Variants in CACNA1C observed in about 807,000 individuals in gnomAD.
CACNA1C encodes calcium voltage-gated channel subunit alpha1 C.
Under a neutral mutation model 229.0 loss-of-function variants are expected in CACNA1C, and 30 were observed. The observed-to-expected ratio is 0.13, with a 90% confidence interval of 0.10 to 0.18. The LOEUF (loss-of-function observed/expected upper bound fraction) is 0.18, where lower values mean the gene tolerates loss of function less well. Ranked by LOEUF, CACNA1C falls within the 10% of genes least tolerant of loss-of-function variation. The pLI is 1.00. For missense variants in CACNA1C, 1,658 were observed against 2,845.0 expected, an observed-to-expected ratio of 0.58 and a Z score of 9.49; for synonymous variants, 1,114 against 1,132.5, an observed-to-expected ratio of 0.98 and a Z score of 0.33.
At chr12:2,062,450 G>C (rs566363138) in intron 1 of CACNA1C, among the ~76,000 whole-genome samples, 1 of 152,310 alleles carries the variant, frequency 6.6e-6, no homozygotes, top group Non-Finnish European at 1.5e-5. Flanking sequence ...TGCTCTTTCT[G>C]TTACTTCTCC....
chr12:2,486,213 C>G lies in CACNA1C; in HGVS notation c.867C>G (p.Leu289=), dbSNP rs1192447992. Residue 289 remains leucine (L), a synonymous_variant, in exon 6 of 47, where the codon CTC becomes CTG. Transcript: ENST00000399655. This position sits in a 1 kb window ranked among gnomAD's most constrained non-coding sequence, Gnocchi z 4.9. ...IIIYAIIGLE[L]FMGKMHKTCY... is the part of the protein sequence containing the mutation. ...TCTACGCCATCATCGGCTTGGAGCT[C>G]TTCATGGGGAAGATGCACAAGACCT... 1 of 1,613,738 alleles carries G rather than the reference C, an allele frequency of 6.2e-7. No homozygotes were observed. Among genetic ancestry groups the G allele is most frequent in the Non-Finnish European group, 8.5e-7 (1 of 1,179,798 alleles).
intron 3 of CACNA1C, among the ~76,000 whole-genome samples, chr12:2,190,753 A>G (rs1046669521): frequency 6.6e-6 from 1 of 152,122 alleles, no homozygotes; most frequent in African/African-American, 2.4e-5. Context: ...TTCACAGAGT[A>G]AAGGTTAGTT....
At chr12:2,672,705 A>G (rs988107036) in intron 38 of CACNA1C, among the ~76,000 whole-genome samples, 3 of 152,230 alleles carry the variant, frequency 2.0e-5, no homozygotes, top group South Asian at 2.1e-4. Context: ...CTCATCCAGG[A>G]TGACCTCACC....
intron 10 of CACNA1C, among the ~76,000 whole-genome samples, 199 bp from the exon 11 acceptor site, chr12:2,556,752 C>T (rs182729223): frequency 6.6e-6 from 1 of 152,332 alleles, no homozygotes; most frequent in Admixed American, 6.5e-5. Flanking sequence ...AGATGCTAGC[C>T]AGGCCAGACC....
At chr12:2,224,301 C>T (rs573881123) in intron 3 of CACNA1C, among the ~76,000 whole-genome samples, 4 of 152,230 alleles carry the variant, frequency 2.6e-5, no homozygotes, top group South Asian at 2.1e-4. Context: ...TCCTCTCCAC[C>T]GTCTCCGATA....
At chr12:2,009,022 C>G (rs1464277361) in intron 1 of CACNA1C, among the ~76,000 whole-genome samples, 1 of 152,122 alleles carries the variant, frequency 6.6e-6, no homozygotes, top group African/African-American at 2.4e-5. Flanking sequence ...TTCGAATAGG[C>G]AAATTCTTTT....
Position 2,633,370 on chromosome 12 carries a change from TGGA to T in CACNA1C, c.3829-925_3829-923del, listed in dbSNP as rs1265891855. ...TGGTGGGACGTGGACAGGGCCTCTG[TGGA>T]GAAGGGGTAGGGTGGGTGGATCTGT... On this transcript the variant is annotated intron_variant, in intron 29 of 46. Coordinates refer to ENST00000399655, the MANE Select transcript of CACNA1C (RefSeq NM_000719.7). This position sits in a 1 kb window ranked among gnomAD's most constrained non-coding sequence, Gnocchi z 5.8. Among the ~76,000 whole-genome samples the T allele has an allele frequency of 1.3e-5, 2 of 152,202 alleles. No homozygotes were observed. Among genetic ancestry groups the T allele is most frequent in the African/African-American group, 4.8e-5 (2 of 41,536 alleles).
chr12:2,441,246 C>T (rs1247975669), intron 3 of CACNA1C, among the ~76,000 whole-genome samples: 1 of 152,168 alleles, frequency 6.6e-6, no homozygotes, highest in Non-Finnish European at 1.5e-5. Flanking sequence ...CACCCTGGGT[C>T]TGTCACCTAG....
intron 3 of CACNA1C, among the ~76,000 whole-genome samples, chr12:2,279,340 T>G (rs2090174032): frequency 6.6e-6 from 1 of 152,224 alleles, no homozygotes; most frequent in Non-Finnish European, 1.5e-5. Flanking sequence ...TAATAAGGCT[T>G]AAAATCAGAT....
Position 2,285,698 on chromosome 12 carries a change from A to T in CACNA1C, c.478-163278A>T, listed in dbSNP as rs1472143416. On this transcript the variant is annotated intron_variant, in intron 3 of 46. Transcript: ENST00000399655. This position sits in a 1 kb window ranked among gnomAD's most constrained non-coding sequence, Gnocchi z 4.2. ...CACCGTTCCCTGGTCTCCAAACCCC[A>T]TGTTCTTATCTGACGGTATTTCTAC... Among the ~76,000 whole-genome samples, 2 of 152,054 alleles carry T rather than the reference A, an allele frequency of 1.3e-5. No homozygotes were observed. Among genetic ancestry groups the T allele is most frequent in the African/African-American group, 2.4e-5 (1 of 41,414 alleles).
chr12:2,081,586 A>G (rs1219851324), intron 1 of CACNA1C, among the ~76,000 whole-genome samples: 3 of 150,386 alleles, frequency 2.0e-5, no homozygotes, highest in Non-Finnish European at 3.0e-5. Flanking sequence ...AAAAAAAAAG[A>G]CATTTTTCCT....
intron 9 of CACNA1C, among the ~76,000 whole-genome samples, chr12:2,530,577 T>C (rs985053547): frequency 3.3e-4 from 50 of 152,306 alleles, no homozygotes; most frequent in Middle Eastern, 3.4e-3. Flanking sequence ...CTTTTCTGAA[T>C]GGCAGAGAGT....
chr12:2,002,454 G>A (rs1454700750), intron 1 of CACNA1C, among the ~76,000 whole-genome samples: 1 of 152,162 alleles, frequency 6.6e-6, no homozygotes, highest in Non-Finnish European at 1.5e-5. Context: ...CTGTCTGAAG[G>A]CAACATATCC....
In CACNA1C at chr12:2,584,372, C is replaced by G. The variant is rs374811822; in HGVS notation, c.2225-131C>G. On this transcript the variant is annotated intron_variant, in intron 15 of 46. Transcript: ENST00000399655. ...GAGGAACACTGTTGGGGTCTGACTCCCTCAAATTGCTTCCCCCTCAAGCTC... is the reference window on the plus strand; with the variant it reads ...GAGGAACACTGTTGGGGTCTGACTCGCTCAAATTGCTTCCCCCTCAAGCTC... 3.3e-5 allele frequency: 21 copies of G among 644,020 alleles called. 1 individual carries two copies. The highest frequency in any genetic ancestry group is 2.0e-4 in the African/African-American group (11 of 56,308). 39.9% of individuals were successfully genotyped at this position (644,020 alleles called of 1,614,324 possible).
intron 3 of CACNA1C, among the ~76,000 whole-genome samples, chr12:2,377,704 C>T (rs766752568): frequency 2.6e-5 from 4 of 152,158 alleles, no homozygotes; most frequent in Non-Finnish European, 2.9e-5. Context: ...GTATTATCCC[C>T]GTTTCACAGC....
chr12:2,476,090 G>A (rs2099626374), intron 5 of CACNA1C, among the ~76,000 whole-genome samples: 1 of 152,194 alleles, frequency 6.6e-6, no homozygotes, highest in South Asian at 2.1e-4. Flanking sequence ...TCCTTACTCT[G>A]CCTGGAGCAC....
Position 2,115,285 on chromosome 12 carries a change from G to C in CACNA1C, c.111G>C (p.Gly37=). Residue 37 remains glycine, a synonymous_variant, in exon 2 of 47, where the codon GGG becomes GGC. Transcript: ENST00000399655. ...ACATGAATGCCAATGCGGCAGCGGG[G>C]CTGGCCCCTGAGCACATCCCCACCC... ...HANMNANAAA[G]LAPEHIPTPG... is the part of the protein sequence containing the mutation. 1 of 1,591,608 alleles carries C rather than the reference G, an allele frequency of 6.3e-7. No individual in the cohort carries two copies. The highest frequency in any genetic ancestry group is 1.3e-5 in the African/African-American group (1 of 74,504).
intron 9 of CACNA1C, among the ~76,000 whole-genome samples, chr12:2,545,072 G>A (rs1214552614): frequency 6.6e-6 from 1 of 152,132 alleles, no homozygotes; most frequent in Non-Finnish European, 1.5e-5. Flanking sequence ...GTGCTTTGGA[G>A]CTTCTTCTCC....
At chr12:2,086,785 C>T (rs1417095292) in intron 1 of CACNA1C, among the ~76,000 whole-genome samples, 2 of 152,210 alleles carry the variant, frequency 1.3e-5, no homozygotes, top group Non-Finnish European at 2.9e-5. Flanking sequence ...GGGAGCTTCT[C>T]ACTGGCCCGG....
Sources: allele counts gnomAD v4.1 joint callset (sites outside exome capture counted in the v4.1 genomes callset), GRCh38; gene constraint gnomAD v4.1.1; non-coding constraint Gnocchi (gnomAD v3.1); transcripts MANE v1.5; gene names NCBI Gene and HGNC (gene_info 2026-07-23, HGNC 2026-07-21).